ZAN: variants seen among roughly 807,000 people sequenced by gnomAD.
ZAN encodes the protein zonadhesin (gene/pseudogene).
In ZAN, 260 loss-of-function variants were observed where a neutral mutation model predicts 286.2. The ratio of observed to expected loss-of-function variants is 0.91; its 90% CI spans 0.82 to 1.01. The LOEUF (loss-of-function observed/expected upper bound fraction) is 1.01, where lower values mean the gene tolerates loss of function less well. Ranked by LOEUF, ZAN falls within the 50% of genes least tolerant of loss-of-function variation. The pLI is 0.00. For missense variants in ZAN, 3,410 were observed against 3,639.2 expected (o/e 0.94, Z 1.62); for synonymous variants, 1,368 against 1,417.5 (o/e 0.97, Z 0.79).
At chr7:100,797,065 A>G (rs1812409540) in intron 45 of ZAN, among the ~76,000 whole-genome samples, 2 of 152,278 alleles carry the variant, frequency 1.3e-5, no homozygotes, top group South Asian at 4.1e-4. Flanking sequence ...GCTTGAGCCC[A>G]GGAGTTCAAG....
rs531345395 is a variant in ZAN, at chr7:100,734,142, C to T, written c.-27C>T. ...CTCCCAACTGTGCCCTTCCCCTCTC[C>T]CCTGGGAGCAACCACTTAGGGTCCT... is the stretch of plus-strand genomic sequence containing the variant. On this transcript the variant is annotated 5_prime_UTR_variant, in exon 2 of 48. Transcript: ENST00000613979. 3.9e-5 allele frequency: 55 copies of T among 1,422,690 alleles called. 5 individuals carry two copies. In the South Asian group the frequency reaches 6.0e-4, roughly 16 times the overall value. 88.1% of individuals were successfully genotyped at this position (1,422,690 alleles called of 1,614,324 possible). A position where few individuals can be genotyped will look rare whatever the true frequency, so the allele number is the denominator to read the frequency against.
chr7:100,796,687 A>T (rs1812388028), intron 45 of ZAN, among the ~76,000 whole-genome samples: 1 of 152,020 alleles, frequency 6.6e-6, no homozygotes, highest in South Asian at 2.1e-4. Context: ...AAGTGCTGGG[A>T]TTACAGGCGT....
At chr7:100,736,718 G>T (rs1584540657) in intron 4 of ZAN, 89 bp downstream of exon 4, 1 of 1,475,570 alleles carries the variant, frequency 6.8e-7, no homozygotes, top group East Asian at 2.3e-5. Context: ...GAGGCAGCCA[G>T]ACCTGGATGC....
At chr7:100,792,248 T>C in intron 41 of ZAN, 100 bp downstream of exon 41, 3 of 1,496,878 alleles carry the variant, frequency 2.0e-6, no homozygotes, top group East Asian at 2.3e-5. Flanking sequence ...TCTGTGTGGT[T>C]CACTCCTCCG....
At chr7:100,748,262 G>C (rs1220964561) in intron 10 of ZAN, 47 bp downstream of exon 10, 2 of 1,613,762 alleles carry the variant, frequency 1.2e-6, no homozygotes, top group Non-Finnish European at 1.7e-6. Flanking sequence ...ATCCGGGGTG[G>C]GCTGGGGGAG....
intron 39 of ZAN, among the ~76,000 whole-genome samples, chr7:100,789,648 A>C (rs1562956772): frequency 6.6e-6 from 1 of 151,916 alleles, no homozygotes; most frequent in Non-Finnish European, 1.5e-5. Context: ...CCGTCTCTAC[A>C]AAAAAAATTT....
At chr7:100,784,881 C>T in intron 36 of ZAN, 47 bp downstream of exon 36, 1 of 1,506,130 alleles carries the variant, frequency 6.6e-7, no homozygotes, top group Non-Finnish European at 8.9e-7. Flanking sequence ...AGCTTGAGGG[C>T]AGTGCTTTCT....
chr7:100,742,226 A>AC, intron 7 of ZAN, among the ~76,000 whole-genome samples: 1 of 116,388 alleles, frequency 8.6e-6, no homozygotes, highest in Non-Finnish European at 1.9e-5. Flanking sequence ...CACATCCCAG[A>AC]TGGGGCGGTG....
chr7:100,777,765 A>AT (rs2116196515), intron 34 of ZAN, among the ~76,000 whole-genome samples: 1 of 151,362 alleles, frequency 6.6e-6, no homozygotes, highest in African/African-American at 2.4e-5. Flanking sequence ...CAATTTTTAA[A>AT]TTTTTTGTAG....
chr7:100,764,048 G>A lies in ZAN; in HGVS notation c.4119G>A (p.Lys1373=), dbSNP rs543091941. The change falls in exon 22 of 48, where the codon AAG becomes AAA. Residue 1373 remains lysine (K), a synonymous_variant. Transcript: ENST00000613979. ...GPFETCLLHV[K]AASFFDSCML... is the part of the protein sequence containing the mutation. Reference sequence around the variant, plus strand: ...TCAGGACATGCCTGCTGCACGTGAAGGCCGCTTCCTTCTTCGACAGCTGCA... The same window carrying A: ...TCAGGACATGCCTGCTGCACGTGAAAGCCGCTTCCTTCTTCGACAGCTGCA... The A allele has an allele frequency of 1.9e-6, 3 of 1,613,880 alleles. No individual in the cohort carries two copies. In the East Asian group the frequency reaches 6.7e-5, roughly 36 times the overall value.
chr7:100,779,571 C>T lies in ZAN; in HGVS notation c.6443C>T (p.Pro2148Leu), dbSNP rs778764320. 4.3e-6 allele frequency: 7 copies of T among 1,610,472 alleles called. No homozygotes were observed. The South Asian group carries it at 6.6e-5, about 15-fold the overall frequency. ...AAGTGCGAGGCAGCGCTCCGGGCTC[C>T]TGTGTGGGCCCAGTGCGCCTCCCGC... is the stretch of plus-strand genomic sequence containing the variant. ...REKCEAALRA[P>L]VWAQCASRID... The change falls in exon 35 of 48, where the codon CCT becomes CTT. Residue 2148 changes from proline (P) to leucine (L), a missense_variant. By Grantham distance (98) the Pro-to-Leu change is moderately conservative (BLOSUM62 -3). Coordinates refer to ENST00000613979, the MANE Select transcript of ZAN (RefSeq NM_003386.3).
chr7:100,775,658 C>T lies in ZAN; in HGVS notation c.6028-11C>T. The T allele has an allele frequency of 6.2e-7, 1 of 1,613,678 alleles. No homozygotes were observed. The highest frequency in any genetic ancestry group is 1.1e-5 in the South Asian group (1 of 91,052). ...CCTGCTCCTACTCACCGTCACTGTC[C>T]TCCTGTTTAGATCAACAGCAAACAG... is the stretch of plus-strand genomic sequence containing the variant. On this transcript the variant is annotated splice_polypyrimidine_tract_variant and intron_variant, in intron 32 of 47. Coordinates refer to ENST00000613979, the MANE Select transcript of ZAN (RefSeq NM_003386.3).
rs559382058 is a variant in ZAN at position 100,759,662 on chromosome 7, C to T, written c.3572-59C>T. ...CTGCGGCGCCAGGCTCAGGGCACTG[C>T]TCGCGGCAGATGTTCAGAAATGAGC... On this transcript the variant is annotated intron_variant, in intron 17 of 47. Coordinates refer to ENST00000613979, the MANE Select transcript of ZAN (RefSeq NM_003386.3). 882 of 1,522,254 alleles carry T rather than the reference C, an allele frequency of 5.8e-4. 1 individual carries two copies. The highest frequency in any genetic ancestry group is 7.5e-4 in the Non-Finnish European group (854 of 1,131,254). The allele number at this position is 1,522,254 out of a possible 1,614,324, so 94.3% of individuals were successfully genotyped here.
At position 100,748,422 on chromosome 7, in the gene ZAN, AATGGACCCGTCC is replaced by A; in HGVS notation, c.1206_1217del (p.Pro403_Gly406del). ...TGGACACTGGGCCCTCGGACATAAA[AATGGACCCGTCC>A]ATGGCATGGGCCCTGCGGGAGGTTT... On this transcript the variant is annotated inframe_deletion, in exon 11 of 48. Transcript: ENST00000613979. The A allele has an allele frequency of 1.9e-6, 3 of 1,613,878 alleles. No individual in the cohort carries two copies. The highest frequency in any genetic ancestry group is 2.5e-6 in the Non-Finnish European group (3 of 1,179,870).
At chr7:100,770,794 A>G in intron 28 of ZAN, among the ~76,000 whole-genome samples, 1 of 151,698 alleles carries the variant, frequency 6.6e-6, no homozygotes, top group Non-Finnish European at 1.5e-5. Context: ...AGCTGGGACC[A>G]CAGGCATGCA....
chr7:100,788,407 C>G (rs1811718733), intron 38 of ZAN, among the ~76,000 whole-genome samples: 1 of 152,078 alleles, frequency 6.6e-6, no homozygotes, highest in African/African-American at 2.4e-5. Context: ...TTAAAATGAG[C>G]TGGATATGGG....
chr7:100,779,230 G>C (rs1385286940), intron 34 of ZAN, among the ~76,000 whole-genome samples: 1 of 151,494 alleles, frequency 6.6e-6, no homozygotes, highest in Non-Finnish European at 1.5e-5. Context: ...TTGGTCGGGC[G>C]TGGTGGTGGG....
intron 15 of ZAN, among the ~76,000 whole-genome samples, chr7:100,757,692 T>C (rs1562930212): frequency 3.4e-5 from 5 of 146,824 alleles, no homozygotes; most frequent in African/African-American, 1.3e-4. Flanking sequence ...AAGGCGGAGG[T>C]TGCAGTGAGC....
Position 100,755,269 on chromosome 7 carries a change from T to A in ZAN, c.3168T>A (p.Pro1056=). 6.2e-7 allele frequency: 1 copy of A among 1,613,908 alleles called. No homozygotes were observed. Among genetic ancestry groups the A allele is most frequent in the Non-Finnish European group, 8.5e-7 (1 of 1,179,874 alleles). ...CCCGCTACGAATCCTGTGCTTGTCC[T>A]GCTTCGTGCAAGAGCCCCAGGCCTA... ...PNARYESCAC[P]ASCKSPRPSC... Residue 1056 remains proline, a synonymous_variant, in exon 15 of 48, where the codon CCT becomes CCA. Transcript: ENST00000613979.
Sources: gnomAD v4.1 joint callset for allele counts (sites outside exome capture counted in the v4.1 genomes callset) on GRCh38, gnomAD v4.1.1 for gene constraint, MANE v1.5 for transcripts, NCBI Gene and HGNC (gene_info 2026-07-23, HGNC 2026-07-21) for gene names.